CAPN8: variants seen among roughly 807,000 people sequenced by gnomAD.
The protein encoded by CAPN8 is calpain 8.
Under a neutral mutation model 80.9 loss-of-function variants are expected in CAPN8, and 87 were observed. That is an observed-to-expected ratio of 1.07 (90% CI 0.90 to 1.28). The LOEUF is 1.28. Ranked by LOEUF, CAPN8 falls within the 50% of genes most tolerant of loss-of-function variation. The pLI is 0.00. For missense variants in CAPN8, 757 were observed against 702.0 expected (o/e 1.08, Z -0.89); for synonymous variants, 299 against 273.8 (o/e 1.09, Z -0.91).
At chr1:223,620,935 C>A (rs1290326367) in intron 7 of CAPN8, among the ~76,000 whole-genome samples, 1 of 149,462 alleles carries the variant, frequency 6.7e-6, no homozygotes, top group African/African-American at 2.5e-5. Context: ...TATGTGACAT[C>A]TAAGTAACAG....
intron 17 of CAPN8, 190 bp from the exon 18 acceptor site, chr1:223,545,040 C>T (rs1402217252): frequency 2.1e-6 from 3 of 1,395,762 alleles, no homozygotes; most frequent in Non-Finnish European, 2.9e-6. Flanking sequence ...GCTGTCTGAA[C>T]AGCAGGGCTT....
intron 7 of CAPN8, chr1:223,622,546 A>T (rs1657430334): frequency 2.0e-6 from 1 of 507,954 alleles, no homozygotes; most frequent in Non-Finnish European, 3.5e-6. Flanking sequence ...AAACACAAAA[A>T]CCTTTCAGCG....
At chr1:223,548,405 C>T (rs944950259) in intron 16 of CAPN8, among the ~76,000 whole-genome samples, 2 of 152,176 alleles carry the variant, frequency 1.3e-5, no homozygotes, top group Admixed American at 6.5e-5. Flanking sequence ...AACTACTGCC[C>T]ATTTGCTATA....
At position 223,627,700 on chromosome 1, in the gene CAPN8, C is replaced by T. The variant is rs556173079; in HGVS notation, c.560+309G>A. Among the ~76,000 whole-genome samples the T allele has an allele frequency of 3.3e-5, 5 of 152,210 alleles. No homozygotes were observed. The South Asian group carries it at 8.3e-4, about 25-fold the overall frequency. On this transcript the variant is annotated intron_variant, in intron 4 of 20. Transcript: ENST00000366872. ...TATTATTCTTCATCATTCTTTTAAACGTTTACATTGCCCCAGGAACCTACC... is the reference window on the plus strand; with the variant it reads ...TATTATTCTTCATCATTCTTTTAAATGTTTACATTGCCCCAGGAACCTACC...
chr1:223,649,493 G>A (rs934624488), intron 2 of CAPN8, among the ~76,000 whole-genome samples: 6 of 152,148 alleles, frequency 3.9e-5, no homozygotes, highest in African/African-American at 1.4e-4. Flanking sequence ...CCACTGTTAA[G>A]GATCAGTCAG....
At position 223,619,375 on chromosome 1, in the gene CAPN8, C is replaced by T. The variant is rs1009284375; in HGVS notation, c.1053G>A (p.Glu351=). ...GGACCAGGTTCCATTTGTGCACCTCCTCGCTACTCAGAGAGTCCGGGGACA... is the reference window on the plus strand; with the variant it reads ...GGACCAGGTTCCATTTGTGCACCTCTTCGCTACTCAGAGAGTCCGGGGACA... ...CNLSPDSLSS[E]EVHKWNLVLF... is the part of the protein sequence containing the mutation. The change falls in exon 9 of 21, where the codon GAG becomes GAA. Residue 351 remains glutamate (E), a synonymous_variant. Transcript: ENST00000366872. The T allele has an allele frequency of 1.3e-6, 2 of 1,551,578 alleles. No homozygotes were observed. The highest frequency in any genetic ancestry group is 8.7e-7 in the Non-Finnish European group (1 of 1,147,006).
Position 223,549,366 on chromosome 1 carries a change from G to A in CAPN8, c.1716C>T (p.Phe572=), listed in dbSNP as rs536606438. ...EAFSKRTDIK[F]DGFNINTCRE... ...TGCAAGTGTTGATGTTGAATCCATCGAATTTTATGTCTGTTCCTAAAGATT... is the reference window on the plus strand; with the variant it reads ...TGCAAGTGTTGATGTTGAATCCATCAAATTTTATGTCTGTTCCTAAAGATT... The change falls in exon 16 of 21, where the codon TTC becomes TTT. Residue 572 remains phenylalanine (F), a synonymous_variant. Transcript: ENST00000366872. 9.0e-6 allele frequency: 14 copies of A among 1,551,728 alleles called. No homozygotes were observed. The highest frequency in any genetic ancestry group is 2.4e-5 in the East Asian group (1 of 40,916).
chr1:223,649,797 C>T (rs185374444), intron 2 of CAPN8, among the ~76,000 whole-genome samples: 10 of 152,262 alleles, frequency 6.6e-5, no homozygotes, highest in Admixed American at 6.5e-4. Context: ...GTGCAACAAA[C>T]ATTTATGGAG....
chr1:223,618,276 AG>A (rs1657261789), intron 9 of CAPN8: 1 of 1,550,564 alleles, frequency 6.4e-7, no homozygotes, highest in African/African-American at 1.4e-5. Context: ...TCAACCTAGG[AG>A]GAGCCTACAC....
At chr1:223,632,379 T>C (rs966721382) in intron 2 of CAPN8, among the ~76,000 whole-genome samples, 1 of 152,140 alleles carries the variant, frequency 6.6e-6, no homozygotes, top group South Asian at 2.1e-4. Flanking sequence ...TTTTGTTTTG[T>C]TTTGTTTTGT....
At chr1:223,644,158 A>T (rs10495210) in intron 2 of CAPN8, 66,734 of 355,584 alleles carry the variant, frequency 0.19, 7,051 homozygotes, top group East Asian at 0.26. Context: ...TTTTAGCATG[A>T]TCCAACCCAG....
At chr1:223,633,837 A>G (rs1198087458) in intron 2 of CAPN8, among the ~76,000 whole-genome samples, 1 of 152,174 alleles carries the variant, frequency 6.6e-6, no homozygotes, top group Non-Finnish European at 1.5e-5. Context: ...GCTATAGCTT[A>G]ATGGAATTTC....
intron 2 of CAPN8, 151 bp from the exon 3 acceptor site, chr1:223,628,931 C>T: frequency 1.6e-6 from 1 of 614,026 alleles, no homozygotes; most frequent in Non-Finnish European, 2.8e-6. Context: ...GGAAATGCAC[C>T]CGCAGCCATC....
intron 14 of CAPN8, 83 bp from the exon 15 acceptor site, chr1:223,551,100 C>T: frequency 1.5e-6 from 1 of 688,426 alleles, no homozygotes; most frequent in Non-Finnish European, 2.7e-6. Context: ...TGCTTCCTCA[C>T]AGTCAGACAC....
intron 1 of CAPN8, among the ~76,000 whole-genome samples, chr1:223,663,378 G>C (rs750345251): frequency 6.6e-6 from 1 of 152,106 alleles, no homozygotes; most frequent in African/African-American, 2.4e-5. Flanking sequence ...GATCTGCAAT[G>C]GTACCCCTCC....
rs564439910 is a variant in CAPN8, at chr1:223,545,470, AGTCAAAC to A, written c.1765-178_1765-172del. On this transcript the variant is annotated intron_variant, in intron 16 of 20. Coordinates refer to ENST00000366872, the MANE Select transcript of CAPN8 (RefSeq NM_001143962.2). ...TAACAGGTTCAAATAAAGATTAAAA[AGTCAAAC>A]GTGCACCAAGGCTCTCCTCTGAGGC... 6.0e-5 allele frequency: 64 copies of A among 1,072,340 alleles called. No individual in the cohort carries two copies. The East Asian group carries it at 1.6e-3, about 27-fold the overall frequency. 66.4% of individuals were successfully genotyped at this position (1,072,340 alleles called of 1,614,324 possible). A position where few individuals can be genotyped will look rare whatever the true frequency, so the allele number is the denominator to read the frequency against.
At chr1:223,543,083 A>G in intron 20 of CAPN8, 25 bp downstream of exon 20, 2 of 1,551,290 alleles carry the variant, frequency 1.3e-6, no homozygotes, top group Non-Finnish European at 1.7e-6. Context: ...TCAGCCAGCA[A>G]TTCATCAAAC....
At chr1:223,544,626 G>T in intron 18 of CAPN8, 146 bp downstream of exon 18, 1 of 1,085,532 alleles carries the variant, frequency 9.2e-7, no homozygotes, top group Non-Finnish European at 1.3e-6. Flanking sequence ...GGACAGGGAA[G>T]GTACTCAACA....
chr1:223,631,970 G>A (rs1243643955), intron 2 of CAPN8, among the ~76,000 whole-genome samples: 8 of 152,102 alleles, frequency 5.3e-5, no homozygotes, highest in African/African-American at 1.4e-4. Flanking sequence ...AGCTTCTTCC[G>A]ACAGCCCACC....
Sources: gnomAD v4.1 joint callset for allele counts (sites outside exome capture counted in the v4.1 genomes callset) on GRCh38, gnomAD v4.1.1 for gene constraint, MANE v1.5 for transcripts, NCBI Gene and HGNC (gene_info 2026-07-23, HGNC 2026-07-21) for gene names.